The following TRPM7 variants were observed in gnomAD, a reference collection of about 807,000 sequenced individuals.
TRPM7 encodes LTRPC ion channel family member 7.
Under a neutral mutation model 229.7 loss-of-function variants are expected in TRPM7, and 134 were observed. The ratio of observed to expected loss-of-function variants is 0.58; its 90% CI spans 0.51 to 0.67. The LOEUF (loss-of-function observed/expected upper bound fraction) is 0.67. Ranked by LOEUF, TRPM7 falls within the 30% of genes least tolerant of loss-of-function variation. TRPM7 has a pLI of 0.00. For synonymous variants in TRPM7, 699 were observed against 715.2 expected (o/e 0.98, Z 0.36); for missense variants, 1,901 against 2,210.0 (o/e 0.86, Z 2.80).
At chr15:50,571,748 T>C (rs1207208518) in intron 36 of TRPM7, among the ~76,000 whole-genome samples, 1 of 129,652 alleles carries the variant, frequency 7.7e-6, no homozygotes, top group East Asian at 2.4e-4. Flanking sequence ...GTTTAACTTG[T>C]AATCATCTAA....
At chr15:50,651,968 A>G (rs2061432714) in intron 3 of TRPM7, among the ~76,000 whole-genome samples, 1 of 152,056 alleles carries the variant, frequency 6.6e-6, no homozygotes, top group South Asian at 2.1e-4. Context: ...AAATAACCTA[A>G]ACTTCTACCT....
At chr15:50,574,193 A>C (rs2054028796) in intron 36 of TRPM7, 81 bp downstream of exon 36, 2 of 1,124,080 alleles carry the variant, frequency 1.8e-6, no homozygotes, top group Non-Finnish European at 2.6e-6. Flanking sequence ...TTTATCTATA[A>C]ATTAGCAGAT....
At chr15:50,680,656 T>G (rs922704465) in intron 1 of TRPM7, among the ~76,000 whole-genome samples, 2 of 152,082 alleles carry the variant, frequency 1.3e-5, no homozygotes, top group African/African-American at 4.8e-5. Context: ...TAAAGGAAAT[T>G]CTATTAGGTT....
intron 21 of TRPM7, among the ~76,000 whole-genome samples, chr15:50,603,778 TC>T (rs1334581124): frequency 1.3e-5 from 2 of 152,170 alleles, no homozygotes; most frequent in Admixed American, 1.3e-4. Flanking sequence ...TATAAGAAAC[TC>T]TAAGAATAGC....
At position 50,624,227 on chromosome 15, in the gene TRPM7, T is replaced by C; in HGVS notation, c.1379A>G (p.Glu460Gly). The C allele has an allele frequency of 6.2e-7, 1 of 1,613,108 alleles. No individual in the cohort carries two copies. Among genetic ancestry groups the C allele is most frequent in the South Asian group, 1.1e-5 (1 of 90,832 alleles). The change falls in exon 12 of 39, where the codon GAA (glutamate) becomes GGA (glycine). Residue 460 changes from glutamate (E) to glycine (G), a missense_variant. Transcript: ENST00000646667. The stretch of plus-strand genomic sequence containing the variant: ...GAATTTATGCATGCTTACTCCATTT[T>C]CAATAAGAAGTTTTACAAATGCAAC... The part of the protein sequence containing the change: ...DRVAFVKLLI[E>G]NGVSMHKFLT...
intron 1 of TRPM7, among the ~76,000 whole-genome samples, chr15:50,666,457 AAAGAAGAGGAGGAAGAGG>A (rs1289363589): frequency 6.6e-6 from 1 of 151,622 alleles, no homozygotes; most frequent in East Asian, 1.9e-4. Context: ...TAGAAGGGAG[AAAGAAGAGGAGGAAGAGG>A]AAGAAGAGGA....
chr15:50,669,717 T>C (rs2061949772), intron 1 of TRPM7, among the ~76,000 whole-genome samples: 1 of 152,162 alleles, frequency 6.6e-6, no homozygotes, highest in Non-Finnish European at 1.5e-5. Flanking sequence ...TGAGTTTTTT[T>C]CCTGCAATTT....
At chr15:50,643,981 A>G (rs1163503472) in intron 4 of TRPM7, among the ~76,000 whole-genome samples, 1 of 152,226 alleles carries the variant, frequency 6.6e-6, no homozygotes, top group Non-Finnish European at 1.5e-5. Flanking sequence ...GGCTCTTGCT[A>G]TGAAGAGAGG....
At chr15:50,639,365 T>C in intron 6 of TRPM7, 59 bp downstream of exon 6, 2 of 1,370,008 alleles carry the variant, frequency 1.5e-6, no homozygotes, top group South Asian at 3.1e-5. Flanking sequence ...GCACTATTCT[T>C]ACTATAATTT....
intron 22 of TRPM7, among the ~76,000 whole-genome samples, chr15:50,598,248 A>T (rs2059684549): frequency 6.6e-6 from 1 of 152,256 alleles, no homozygotes; most frequent in African/African-American, 2.4e-5. Context: ...TGTGGAAGTC[A>T]GCAGAATATC....
rs1596186741 is a variant in TRPM7, at chr15:50,610,986, C to T, written c.2280+107G>A. On this transcript the variant is annotated intron_variant, in intron 17 of 38. Transcript: ENST00000646667. ...ATCCATCTTGCTCCCTCTTTACCCCCCACCATTACACTCACACATCAAGGC... is the reference window on the plus strand; with the variant it reads ...ATCCATCTTGCTCCCTCTTTACCCCTCACCATTACACTCACACATCAAGGC... 4 of 826,718 alleles carry T rather than the reference C, an allele frequency of 4.8e-6. No individual in the cohort carries two copies. The African/African-American group carries it at 6.9e-5, about 14-fold the overall frequency. The allele number at this position is 826,718 out of a possible 1,614,324, so 51.2% of individuals were successfully genotyped here.
rs34530969 is a variant in TRPM7, at chr15:50,599,187, G to C, written c.3098C>G (p.Ala1033Gly). ...YPHEAPSWTL[A>G]KDIVFHPYWM... ...GTATGGGTGAAAAACTATATCTTTA[G>C]CAAGAGTCCAAGATGGTGCTTCATG... The change falls in exon 22 of 39, where the codon GCT becomes GGT. Residue 1033 changes from alanine (A) to glycine (G), a missense_variant. Physicochemically the swap from Ala to Gly is moderately conservative, Grantham distance 60 (BLOSUM62 0). Transcript: ENST00000646667. The C allele has an allele frequency of 9.9e-6, 16 of 1,613,208 alleles. No individual in the cohort carries two copies. Among genetic ancestry groups the C allele is most frequent in the Non-Finnish European group, 1.4e-5 (16 of 1,179,546 alleles).
intron 1 of TRPM7, among the ~76,000 whole-genome samples, chr15:50,683,227 G>C (rs1307864111): frequency 9.2e-6 from 1 of 108,250 alleles, no homozygotes; most frequent in Admixed American, 1.1e-4. Flanking sequence ...TTAACAGGCA[G>C]TCACTTAAAA....
At chr15:50,629,859 CTTTTTTTTTTTT>C (rs33991422) in intron 10 of TRPM7, among the ~76,000 whole-genome samples, 3 of 106,518 alleles carry the variant, frequency 2.8e-5, no homozygotes, top group Admixed American at 1.2e-4. Flanking sequence ...TCTTTTTAAC[CTTTTTTTTTTTT>C]TTTTTTTTTG....
intron 37 of TRPM7, 39 bp from the exon 38 acceptor site, chr15:50,570,032 A>AG (rs2053795931): frequency 6.3e-7 from 1 of 1,586,854 alleles, no homozygotes; most frequent in Non-Finnish European, 8.6e-7. Flanking sequence ...AACAAAAAAA[A>AG]GGGGGCAGTT....
At chr15:50,681,790 G>T (rs1256551794) in intron 1 of TRPM7, among the ~76,000 whole-genome samples, 1 of 152,122 alleles carries the variant, frequency 6.6e-6, no homozygotes, top group Non-Finnish European at 1.5e-5. Flanking sequence ...TAGTAAGAGG[G>T]GTAAACAGTG....
chr15:50,636,991 T>C (rs1188834011), intron 7 of TRPM7, among the ~76,000 whole-genome samples: 1 of 152,102 alleles, frequency 6.6e-6, no homozygotes, highest in Non-Finnish European at 1.5e-5. Context: ...CTGGGCATGG[T>C]AGCGGGCACC....
intron 1 of TRPM7, among the ~76,000 whole-genome samples, chr15:50,663,442 C>G (rs1180010333): frequency 6.6e-6 from 1 of 152,036 alleles, no homozygotes; most frequent in Non-Finnish European, 1.5e-5. Context: ...CACTTCTATA[C>G]TACATAATTT....
Position 50,574,849 on chromosome 15 carries a change from T to C in TRPM7, c.5019+3A>G, listed in dbSNP as rs577347230. ...CCACTATTAAATATTCACTGACACT[T>C]ACTCTCAGACAGAGATGCAGAACTG... On this transcript the variant is annotated splice_donor_region_variant and intron_variant, in intron 34 of 38. Transcript: ENST00000646667. 10 of 1,607,438 alleles carry C rather than the reference T, an allele frequency of 6.2e-6. No individual in the cohort carries two copies. In the South Asian group the frequency reaches 8.8e-5, roughly 14 times the overall value.
Sources: gnomAD v4.1 joint callset for allele counts (sites outside exome capture counted in the v4.1 genomes callset) on GRCh38, gnomAD v4.1.1 for gene constraint, MANE v1.5 for transcripts, NCBI Gene and HGNC (gene_info 2026-07-23, HGNC 2026-07-21) for gene names.